The following BCL11B variants were observed in gnomAD, a reference collection of about 807,000 sequenced individuals.
BCL11B encodes BCL11 transcription factor B.
In BCL11B, 8 loss-of-function variants were observed where a neutral mutation model predicts 49.9. The observed-to-expected ratio is 0.16, with a 90% CI of 0.09 to 0.29. The LOEUF is 0.29. BCL11B is among the 10% of genes least tolerant of loss of function. The probability of loss-of-function intolerance (pLI) is 1.00; values close to 1 mark genes in which losing one functional copy is unlikely to be tolerated. For synonymous variants in BCL11B, 739 were observed against 637.4 expected (o/e 1.16, Z -2.40); for missense variants, 1,006 against 1,351.0 (o/e 0.74, Z 4.00).
Position 99,232,041 on chromosome 14 carries a change from T to C in BCL11B, c.428-484A>G, listed in dbSNP as rs1358215359. Among the ~76,000 whole-genome samples the C allele has an allele frequency of 6.6e-6, 1 of 152,056 alleles. No homozygotes were observed. Among genetic ancestry groups the C allele is most frequent in the Non-Finnish European group, 1.5e-5 (1 of 67,976 alleles). Reference sequence around the variant, plus strand: ...TCCTACAGGCCCGGGACACCTTGGGTCCGCCTCCAGCCTTGGGTCCGCCTC... The same window carrying C: ...TCCTACAGGCCCGGGACACCTTGGGCCCGCCTCCAGCCTTGGGTCCGCCTC... On this transcript the variant is annotated intron_variant, in intron 2 of 3. Transcript: ENST00000357195. The surrounding 1 kb of genome is among the most constrained non-coding windows in gnomAD (Gnocchi z 5.1).
At chr14:99,210,273 C>T (rs1171707086) in intron 3 of BCL11B, among the ~76,000 whole-genome samples, 1 of 152,098 alleles carries the variant, frequency 6.6e-6, no homozygotes, top group East Asian at 1.9e-4. Context: ...GCAGAAGAAA[C>T]AAACAAAAGA....
At chr14:99,245,823 G>A (rs893905430) in intron 2 of BCL11B, among the ~76,000 whole-genome samples, 3 of 152,144 alleles carry the variant, frequency 2.0e-5, no homozygotes, top group Admixed American at 6.5e-5. Context: ...CCCGGGGCCG[G>A]CAGGCTCCCC....
intron 3 of BCL11B, among the ~76,000 whole-genome samples, chr14:99,198,656 T>C (rs1441159125): frequency 6.6e-6 from 1 of 152,100 alleles, no homozygotes; most frequent in African/African-American, 2.4e-5. Context: ...CGACACATTC[T>C]CAGCCATACC....
chr14:99,232,501 A>G lies in BCL11B; in HGVS notation c.428-944T>C, dbSNP rs1291555102. 2.6e-5 allele frequency among the ~76,000 whole-genome samples: 4 copies of G among 152,254 alleles called. No individual in the cohort carries two copies. Among genetic ancestry groups the G allele is most frequent in the African/African-American group, 9.6e-5 (4 of 41,480 alleles). On this transcript the variant is annotated intron_variant, in intron 2 of 3. Transcript: ENST00000357195. The surrounding 1 kb of genome is among the most constrained non-coding windows in gnomAD (Gnocchi z 5.1). The stretch of plus-strand genomic sequence containing the variant: ...TCAGAGAGACAAAAAGGAAACGTCA[A>G]CAAGAGGATGGGCAGCTGGGCCCAG...
chr14:99,202,396 C>T (rs987426553), intron 3 of BCL11B, among the ~76,000 whole-genome samples: 1 of 152,216 alleles, frequency 6.6e-6, no homozygotes, highest in African/African-American at 2.4e-5. Flanking sequence ...AGGCCTATCC[C>T]AGGAGGAGGA....
At chr14:99,237,744 G>A (rs1353536136) in intron 2 of BCL11B, among the ~76,000 whole-genome samples, 1 of 152,114 alleles carries the variant, frequency 6.6e-6, no homozygotes, top group African/African-American at 2.4e-5. Flanking sequence ...GTCATTACAC[G>A]GGAGACATAA....
At chr14:99,243,483 T>TG (rs1555383195) in intron 2 of BCL11B, among the ~76,000 whole-genome samples, 1 of 152,172 alleles carries the variant, frequency 6.6e-6, no homozygotes, top group Non-Finnish European at 1.5e-5. Flanking sequence ...CTCCTACCTA[T>TG]GGGTTTGTTT....
chr14:99,214,952 G>A (rs563806435), intron 3 of BCL11B, among the ~76,000 whole-genome samples: 44 of 152,256 alleles, frequency 2.9e-4, no homozygotes, highest in African/African-American at 9.4e-4. Flanking sequence ...CAAGCATGCA[G>A]GGGTGGGGGA....
intron 3 of BCL11B, among the ~76,000 whole-genome samples, chr14:99,208,303 C>T (rs1887592022): frequency 6.6e-6 from 1 of 152,184 alleles, no homozygotes; most frequent in Non-Finnish European, 1.5e-5. Context: ...TCACCTGGGC[C>T]ACAGCCACAG....
At chr14:99,225,744 A>C (rs976287988) in intron 3 of BCL11B, among the ~76,000 whole-genome samples, 2 of 152,208 alleles carry the variant, frequency 1.3e-5, no homozygotes, top group African/African-American at 4.8e-5. Flanking sequence ...TTTGAACAGA[A>C]TTCTTTGATT....
At chr14:99,209,309 C>G (rs979047445) in intron 3 of BCL11B, among the ~76,000 whole-genome samples, 1 of 152,146 alleles carries the variant, frequency 6.6e-6, no homozygotes, top group African/African-American at 2.4e-5. Flanking sequence ...GACCCCAAAA[C>G]TCCGCTTCTT....
intron 3 of BCL11B, among the ~76,000 whole-genome samples, chr14:99,229,093 T>A (rs1319740762): frequency 1.4e-5 from 2 of 146,566 alleles, no homozygotes; most frequent in African/African-American, 5.2e-5. Context: ...GATGGATAGA[T>A]GGATGGATGG....
intron 3 of BCL11B, among the ~76,000 whole-genome samples, chr14:99,207,293 C>T (rs769112006): frequency 3.9e-5 from 6 of 152,176 alleles, no homozygotes; most frequent in Non-Finnish European, 5.9e-5. Flanking sequence ...GACCCAATAG[C>T]TGCTCCAGCT....
At chr14:99,266,863 C>A (rs765411586) in intron 1 of BCL11B, among the ~76,000 whole-genome samples, 2 of 152,108 alleles carry the variant, frequency 1.3e-5, no homozygotes, top group African/African-American at 4.8e-5. Context: ...GCAAAGCAAT[C>A]GAGATAGGAG....
Position 99,175,947 on chromosome 14 carries a change from G to A in BCL11B, c.889C>T (p.Pro297Ser). The change falls in exon 4 of 4, where the codon CCC becomes TCC. Residue 297 changes from proline to serine, a missense_variant. Physicochemically the swap from Pro to Ser is moderately conservative, Grantham distance 74. Around this residue, in one of 6 missense-constraint regions of BCL11B, gnomAD observed 411 missense variants for 542.2 expected, o/e 0.76. Coordinates refer to ENST00000357195, the MANE Select transcript of BCL11B (RefSeq NM_138576.4). The stretch of plus-strand genomic sequence containing the variant: ...AAGCCCGGGTGGTCCCGCAGGATGG[G>A]GCCCGTCATGCGCAGCAGGTTGAAG... ...NPFNLLRMTG[P>S]ILRDHPGFGE... 6.9e-7 allele frequency: 1 copy of A among 1,457,648 alleles called. No homozygotes were observed. The highest frequency in any genetic ancestry group is 9.0e-7 in the Non-Finnish European group (1 of 1,105,530). 90.3% of individuals were successfully genotyped at this position (1,457,648 alleles called of 1,614,324 possible).
chr14:99,209,685 G>C (rs1887633571), intron 3 of BCL11B, among the ~76,000 whole-genome samples: 1 of 152,164 alleles, frequency 6.6e-6, no homozygotes, highest in Non-Finnish European at 1.5e-5. Flanking sequence ...AGGAGGCTGA[G>C]GGTGGGGGAA....
intron 2 of BCL11B, among the ~76,000 whole-genome samples, chr14:99,256,666 G>C (rs1889172629): frequency 6.6e-6 from 1 of 152,208 alleles, no homozygotes; most frequent in Admixed American, 6.5e-5. Flanking sequence ...GGCCAAGAGG[G>C]AGGGACTTCA....
intron 3 of BCL11B, among the ~76,000 whole-genome samples, chr14:99,188,479 C>A (rs1200971906): frequency 2.1e-5 from 3 of 141,564 alleles, no homozygotes; most frequent in African/African-American, 5.3e-5. Context: ...CTTTTCCTTT[C>A]TTTTGTTAGT....
rs1037819940 is a variant in BCL11B, at chr14:99,207,789, CAGGAGCCCAGTGGAGCA to C, written c.640+23539_640+23555del. ...GGCCAGGCCAAAGGGCAGAGGCACC[CAGGAGCCCAGTGGAGCA>C]AGGAGCCCAGTGGAGCAGAGCTCAG... On this transcript the variant is annotated intron_variant, in intron 3 of 3. Coordinates refer to ENST00000357195, the MANE Select transcript of BCL11B (RefSeq NM_138576.4). Among the ~76,000 whole-genome samples the C allele has an allele frequency of 4.6e-5, 7 of 152,152 alleles. 1 individual carries two copies. Among genetic ancestry groups the C allele is most frequent in the South Asian group, 2.1e-4 (1 of 4,830 alleles).
Sources: gnomAD v4.1 joint callset for allele counts (sites outside exome capture counted in the v4.1 genomes callset) on GRCh38, gnomAD v4.1.1 for gene constraint, gnomAD v4.1.1 regional missense constraint, Gnocchi (gnomAD v3.1) non-coding constraint, MANE v1.5 for transcripts, NCBI Gene and HGNC (gene_info 2026-07-23, HGNC 2026-07-21) for gene names.